ANKRD29: variants seen among roughly 807,000 people sequenced by gnomAD.
ANKRD29 encodes ankyrin repeat domain 29.
A neutral mutation model predicts 38.0 loss-of-function variants in ANKRD29; 32 were observed. The ratio of observed to expected loss-of-function variants is 0.84; its 90% CI spans 0.64 to 1.13. The LOEUF is 1.13. Among genes scored for constraint, ANKRD29 ranks in the 50% most tolerant of loss-of-function variants. The pLI, the probability that ANKRD29 is intolerant of heterozygous loss-of-function variation, is 0.00. For missense variants in ANKRD29, 357 were observed against 377.9 expected (o/e 0.94, Z 0.46); for synonymous variants, 135 against 152.4 (o/e 0.89, Z 0.84).
chr18:23,632,116 A>T (rs953701233), intron 5 of ANKRD29, among the ~76,000 whole-genome samples: 9 of 152,254 alleles, frequency 5.9e-5, no homozygotes, highest in African/African-American at 2.2e-4. Context: ...CCAGGCAATC[A>T]TTAAGAAATT....
At chr18:23,627,350 C>T (rs559441090) in intron 6 of ANKRD29, among the ~76,000 whole-genome samples, 9 of 152,268 alleles carry the variant, frequency 5.9e-5, no homozygotes. Flanking sequence ...TAATTCAAAA[C>T]AATTTCATTA....
intron 4 of ANKRD29, 45 bp downstream of exon 4, chr18:23,638,804 G>T: frequency 1.3e-6 from 2 of 1,487,664 alleles, no homozygotes; most frequent in Middle Eastern, 1.8e-4. Context: ...ACCCATGGCT[G>T]CTGAAATTCT....
chr18:23,653,755 G>C (rs528197354), intron 1 of ANKRD29, among the ~76,000 whole-genome samples: 2 of 151,832 alleles, frequency 1.3e-5, no homozygotes, highest in East Asian at 3.9e-4. Context: ...ATTTTTGGTA[G>C]AGCTAGCGTT....
intron 4 of ANKRD29, among the ~76,000 whole-genome samples, chr18:23,638,289 C>T (rs149631895): frequency 1.3e-5 from 2 of 152,260 alleles, no homozygotes; most frequent in African/African-American, 4.8e-5. Flanking sequence ...CATGAACCAC[C>T]GCGCCTAGCC....
At chr18:23,636,746 G>C (rs1236378286) in intron 4 of ANKRD29, among the ~76,000 whole-genome samples, 1 of 149,184 alleles carries the variant, frequency 6.7e-6, no homozygotes, top group African/African-American at 2.5e-5. Context: ...GCTAATTTTT[G>C]TATTTTTGAT....
chr18:23,613,551 C>T (rs544162447), intron 8 of ANKRD29, among the ~76,000 whole-genome samples: 1 of 151,880 alleles, frequency 6.6e-6, no homozygotes, highest in African/African-American at 2.4e-5. Flanking sequence ...AAAGCTTGTT[C>T]CTTTTATTCA....
At chr18:23,639,038 GCATAGAAAACTT>G in intron 3 of ANKRD29, 91 bp from the exon 4 acceptor site, 1 of 1,028,544 alleles carries the variant, frequency 9.7e-7, no homozygotes, top group Non-Finnish European at 1.4e-6. Flanking sequence ...CAATATCCTT[GCATAGAAAACTT>G]CTAGCCTAGG....
intron 6 of ANKRD29, among the ~76,000 whole-genome samples, chr18:23,624,550 T>C (rs1285789584): frequency 1.4e-5 from 2 of 141,690 alleles, no homozygotes; most frequent in Non-Finnish European, 3.0e-5. Flanking sequence ...GGGGTTATGA[T>C]AGCTGTCTTT....
At chr18:23,611,819 G>A (rs1358640191) in intron 9 of ANKRD29, among the ~76,000 whole-genome samples, 4 of 151,676 alleles carry the variant, frequency 2.6e-5, no homozygotes, top group Admixed American at 6.6e-5. Context: ...CACCTCCCTC[G>A]CTGCAAAAAT....
chr18:23,623,942 G>A (rs554275881), intron 6 of ANKRD29, among the ~76,000 whole-genome samples: 10 of 151,726 alleles, frequency 6.6e-5, no homozygotes, highest in South Asian at 2.1e-4. Context: ...CGCGTCTGGC[G>A]ATTTTATATA....
At chr18:23,656,681 C>T (rs2060288295) in intron 1 of ANKRD29, among the ~76,000 whole-genome samples, 1 of 152,112 alleles carries the variant, frequency 6.6e-6, no homozygotes, top group Non-Finnish European at 1.5e-5. Context: ...TAACTTACAG[C>T]TAAATCATTT....
intron 6 of ANKRD29, among the ~76,000 whole-genome samples, chr18:23,621,460 C>T (rs1045868975): frequency 2.9e-5 from 4 of 138,316 alleles, no homozygotes; most frequent in African/African-American, 9.8e-5. Context: ...TTGGGAGAGA[C>T]AGTGGAAGAG....
Position 23,662,727 on chromosome 18 carries a change from A to G in ANKRD29, c.4T>C (p.Cys2Arg), listed in dbSNP as rs1397899842. ...TCGCTCACCTTGAAGGACATCCTGC[A>G]CATGTCCGCGGCCGCCCGAGCGGGA... The part of the protein sequence containing the change: M[C>R]RMSFKKETPL... The change falls in exon 1 of 10, where the codon TGC becomes CGC. Residue 2 changes from cysteine (C) to arginine (R), a missense_variant. By Grantham distance (180) the Cys-to-Arg change is radical. Transcript: ENST00000592179. The G allele has an allele frequency of 1.4e-6, 2 of 1,469,092 alleles. No individual in the cohort carries two copies. The highest frequency in any genetic ancestry group is 4.7e-5 in the Admixed American group (2 of 42,566). 91.0% of individuals were successfully genotyped at this position (1,469,092 alleles called of 1,614,324 possible).
intron 1 of ANKRD29, among the ~76,000 whole-genome samples, chr18:23,655,537 C>T (rs1050412373): frequency 1.3e-5 from 2 of 151,928 alleles, no homozygotes; most frequent in Non-Finnish European, 2.9e-5. Context: ...CTCTGCCTCC[C>T]GGGTTCAAGC....
rs1167651369 is a variant in ANKRD29 at position 23,634,032 on chromosome 18, C to G, written c.429+19G>C. ...TATGTGATGAGAAATGTCCTAATGT[C>G]CCCCTGAAATGCACTCACATAAAGT... is the stretch of plus-strand genomic sequence containing the variant. On this transcript the variant is annotated intron_variant, in intron 5 of 9. Transcript: ENST00000592179. 2 of 1,611,738 alleles carry G rather than the reference C, an allele frequency of 1.2e-6. No homozygotes were observed. Among genetic ancestry groups the G allele is most frequent in the Non-Finnish European group, 1.7e-6 (2 of 1,177,872 alleles).
chr18:23,602,807 G>C (rs1180151028), intron 9 of ANKRD29, among the ~76,000 whole-genome samples: 1 of 148,306 alleles, frequency 6.7e-6, no homozygotes, highest in African/African-American at 2.4e-5. Flanking sequence ...AATTAAAACT[G>C]AGAAAATTTT....
At position 23,600,544 on chromosome 18, in the gene ANKRD29, A is replaced by G. The variant is rs569686459; in HGVS notation, c.*682T>C. 3 of 152,760 alleles carry G rather than the reference A, an allele frequency of 2.0e-5. No individual in the cohort carries two copies. The highest frequency in any genetic ancestry group is 3.9e-4 in the East Asian group (2 of 5,192). 9.5% of individuals were successfully genotyped at this position (152,760 alleles called of 1,614,324 possible). On this transcript the variant is annotated 3_prime_UTR_variant, in exon 10 of 10. Coordinates refer to ENST00000592179, the MANE Select transcript of ANKRD29 (RefSeq NM_173505.4). ...ACCTACAATGTTGACTCTACGTAAA[A>G]TTGATTTTTACATGTCAGGAATAAG...
At chr18:23,629,722 T>C (rs1162509617) in intron 6 of ANKRD29, 131 bp downstream of exon 6, 1 of 699,066 alleles carries the variant, frequency 1.4e-6, no homozygotes, top group Non-Finnish European at 2.4e-6. Flanking sequence ...TAACTTTTCA[T>C]CACAGAAGCA....
chr18:23,659,875 C>T (rs902194269), intron 1 of ANKRD29, among the ~76,000 whole-genome samples: 8 of 151,986 alleles, frequency 5.3e-5, no homozygotes, highest in Non-Finnish European at 1.0e-4. Context: ...CTCTGGGAGC[C>T]CGAGGCAGGC....
Sources: allele counts gnomAD v4.1 joint callset (sites outside exome capture counted in the v4.1 genomes callset), GRCh38; gene constraint gnomAD v4.1.1; transcripts MANE v1.5; gene names NCBI Gene and HGNC (gene_info 2026-07-23, HGNC 2026-07-21).